The following GALNTL6 variants were observed in gnomAD, a reference collection of about 807,000 sequenced individuals.
GALNTL6 encodes the protein polypeptide N-acetylgalactosaminyltransferase like 6, also known as polypeptide N-acetylgalactosaminyltransferase-like 6.
GALNTL6 carries 46 observed loss-of-function variants against 73.7 expected under a neutral mutation model. The ratio of observed to expected loss-of-function variants is 0.62; its 90% CI spans 0.49 to 0.80. The LOEUF (loss-of-function observed/expected upper bound fraction) is 0.80, where lower values mean the gene tolerates loss of function less well. GALNTL6 is among the 30% of genes least tolerant of loss of function. The pLI, the probability that GALNTL6 is intolerant of heterozygous loss-of-function variation, is 0.00. For missense variants in GALNTL6, 604 were observed against 755.0 expected, an observed-to-expected ratio of 0.80 and a Z score of 2.34; for synonymous variants, 259 against 263.7, an observed-to-expected ratio of 0.98 and a Z score of 0.17.
At chr4:172,864,846 T>TTAA (rs1189583555) in intron 7 of GALNTL6, among the ~76,000 whole-genome samples, 2 of 152,198 alleles carry the variant, frequency 1.3e-5, no homozygotes, top group Admixed American at 1.3e-4. Context: ...TATATGCCTC[T>TTAA]TATTAAAAGT....
At chr4:172,599,098 G>A (rs1241015081) in intron 5 of GALNTL6, among the ~76,000 whole-genome samples, 1 of 152,070 alleles carries the variant, frequency 6.6e-6, no homozygotes, top group Non-Finnish European at 1.5e-5. Context: ...TACATATAGA[G>A]TTTGAAGTTC....
At chr4:172,480,744 G>A (rs1291437879) in intron 5 of GALNTL6, among the ~76,000 whole-genome samples, 1 of 152,176 alleles carries the variant, frequency 6.6e-6, no homozygotes, top group Non-Finnish European at 1.5e-5. Flanking sequence ...GGTCAGATGT[G>A]GATTAGGCAG....
chr4:172,397,100 A>G (rs1054878341), intron 5 of GALNTL6, among the ~76,000 whole-genome samples: 3 of 152,130 alleles, frequency 2.0e-5, no homozygotes, highest in African/African-American at 4.8e-5. Context: ...GTATATATAT[A>G]TGTGTTTGTT....
At chr4:172,758,722 A>G (rs1263336426) in intron 5 of GALNTL6, among the ~76,000 whole-genome samples, 4 of 152,200 alleles carry the variant, frequency 2.6e-5, no homozygotes, top group Admixed American at 6.5e-5. Flanking sequence ...GTAGCATGTC[A>G]AAATTTCACT....
Position 172,782,642 on chromosome 4 carries a change from AG to A in GALNTL6, c.554-26715del, listed in dbSNP as rs781523839. Among the ~76,000 whole-genome samples, 11 of 152,136 alleles carry A rather than the reference AG, an allele frequency of 7.2e-5. 1 individual carries two copies. In the South Asian group the frequency reaches 2.3e-3, roughly 32 times the overall value. ...TTTCCTTTTAGCATCCTAAAAGAAAAGGGGAAAAGTAAAAATTGTCTTCACA... is the reference window on the plus strand; with the variant it reads ...TTTCCTTTTAGCATCCTAAAAGAAAAGGGAAAAGTAAAAATTGTCTTCACA... On this transcript the variant is annotated intron_variant, in intron 5 of 12. Coordinates refer to ENST00000506823, the MANE Select transcript of GALNTL6 (RefSeq NM_001034845.3).
chr4:172,329,731 A>G (rs541017479), intron 4 of GALNTL6, among the ~76,000 whole-genome samples: 1 of 152,278 alleles, frequency 6.6e-6, no homozygotes, highest in South Asian at 2.1e-4. Flanking sequence ...CGAAGGCAAC[A>G]ATGGCTAAGG....
In GALNTL6 at chr4:172,882,912, G is replaced by T; in HGVS notation, c.1041+5G>T. The T allele has an allele frequency of 7.1e-7, 1 of 1,417,818 alleles. No homozygotes were observed. 87.8% of individuals were successfully genotyped at this position (1,417,818 alleles called of 1,614,324 possible). A position where few individuals can be genotyped will look rare whatever the true frequency, so the allele number is the denominator to read the frequency against. ...CAGTATGAAATCTCTTTTAAGGTAA[G>T]CCCCAAGACCCTCTTCACACTATAT... On this transcript the variant is annotated splice_donor_5th_base_variant and intron_variant, in intron 8 of 12. Transcript: ENST00000506823.
chr4:172,175,994 A>G (rs1004347308), intron 2 of GALNTL6, among the ~76,000 whole-genome samples: 2 of 152,306 alleles, frequency 1.3e-5, no homozygotes, highest in Non-Finnish European at 2.9e-5. Flanking sequence ...AATAGCAACT[A>G]TGAAACTCAA....
At chr4:172,425,669 A>G (rs575816173) in intron 5 of GALNTL6, among the ~76,000 whole-genome samples, 28 of 152,190 alleles carry the variant, frequency 1.8e-4, no homozygotes, top group African/African-American at 6.5e-4. Flanking sequence ...TATTATAGAG[A>G]AATGAAAATT....
chr4:172,987,564 A>G (rs1441258537), intron 10 of GALNTL6, among the ~76,000 whole-genome samples: 1 of 152,200 alleles, frequency 6.6e-6, no homozygotes, highest in Non-Finnish European at 1.5e-5. Context: ...CAGCAAGAAT[A>G]ATTATTTGTT....
intron 9 of GALNTL6, among the ~76,000 whole-genome samples, chr4:172,942,678 T>C (rs1002994841): frequency 6.6e-6 from 1 of 152,198 alleles, no homozygotes; most frequent in East Asian, 1.9e-4. Context: ...TTGCTTCTTT[T>C]GTTTCTGCTT....
chr4:172,626,408 T>C (rs1201179771), intron 5 of GALNTL6, among the ~76,000 whole-genome samples: 1 of 152,148 alleles, frequency 6.6e-6, no homozygotes, highest in Non-Finnish European at 1.5e-5. Context: ...TTTTGGTTAC[T>C]GTAGCCTTAT....
At chr4:173,027,973 G>A (rs4331761) in intron 12 of GALNTL6, among the ~76,000 whole-genome samples, 40,981 of 152,006 alleles carry the variant, frequency 0.27, 5,793 homozygotes, top group Admixed American at 0.31. Flanking sequence ...CGGCAAAGAT[G>A]TGAAAGACTT....
intron 2 of GALNTL6, among the ~76,000 whole-genome samples, chr4:171,903,033 G>T (rs566252794): frequency 6.6e-6 from 1 of 152,082 alleles, no homozygotes; most frequent in Non-Finnish European, 1.5e-5. Flanking sequence ...GACGAAGAAG[G>T]AGTCTAAAAA....
intron 3 of GALNTL6, among the ~76,000 whole-genome samples, chr4:172,311,055 T>C (rs759658032): frequency 3.9e-5 from 6 of 152,118 alleles, no homozygotes; most frequent in Non-Finnish European, 7.4e-5. Flanking sequence ...CTGATGAAGC[T>C]GAAAATTTAC....
At chr4:172,150,558 C>T (rs1734053443) in intron 2 of GALNTL6, among the ~76,000 whole-genome samples, 1 of 152,082 alleles carries the variant, frequency 6.6e-6, no homozygotes, top group Non-Finnish European at 1.5e-5. Context: ...GTAAAGAGTG[C>T]AGCAATGATG....
chr4:172,849,998 C>G (rs1476760854), intron 7 of GALNTL6, among the ~76,000 whole-genome samples: 7 of 152,136 alleles, frequency 4.6e-5, no homozygotes, highest in Admixed American at 6.6e-5. Context: ...CTTCATACTA[C>G]GTGAGAGCAT....
At chr4:171,914,428 C>CTTTTT in intron 2 of GALNTL6, among the ~76,000 whole-genome samples, 1 of 103,816 alleles carries the variant, frequency 9.6e-6, no homozygotes, top group Non-Finnish European at 1.9e-5. Flanking sequence ...GGAAAATGTA[C>CTTTTT]TTTTTTTTTT....
At chr4:171,850,798 G>T (rs1578909571) in intron 2 of GALNTL6, among the ~76,000 whole-genome samples, 1 of 152,004 alleles carries the variant, frequency 6.6e-6, no homozygotes, top group South Asian at 2.1e-4. Context: ...GTTTTTCTGG[G>T]GTTCCCTTGG....
Sources: gnomAD v4.1 joint callset for allele counts (sites outside exome capture counted in the v4.1 genomes callset) on GRCh38, gnomAD v4.1.1 for gene constraint, MANE v1.5 for transcripts, NCBI Gene and HGNC (gene_info 2026-07-23, HGNC 2026-07-21) for gene names.